BAZ2B: variants seen among roughly 807,000 people sequenced by gnomAD.
BAZ2B encodes the protein bromodomain adjacent to zinc finger domain 2B.
Under a neutral mutation model 246.0 loss-of-function variants are expected in BAZ2B, and 91 were observed. That is an observed-to-expected ratio of 0.37 (90% CI 0.31 to 0.44). The LOEUF (loss-of-function observed/expected upper bound fraction) is 0.44, where lower values mean the gene tolerates loss of function less well. Ranked by LOEUF, BAZ2B falls within the 20% of genes least tolerant of loss-of-function variation. BAZ2B has a pLI of 1.00. For missense variants in BAZ2B, 2,332 were observed against 2,533.7 expected (o/e 0.92, Z 1.71); for synonymous variants, 855 against 860.0 (o/e 0.99, Z 0.10).
intron 2 of BAZ2B, among the ~76,000 whole-genome samples, chr2:159,492,948 G>A (rs547145520): frequency 1.3e-5 from 2 of 151,994 alleles, no homozygotes; most frequent in African/African-American, 4.8e-5. Flanking sequence ...TGACACTTTC[G>A]GCACCAACAC....
chr2:159,483,535 G>T (rs2079479047), intron 2 of BAZ2B, among the ~76,000 whole-genome samples: 1 of 152,130 alleles, frequency 6.6e-6, no homozygotes, highest in Admixed American at 6.6e-5. Flanking sequence ...CCAGAGCTTT[G>T]GGAGGCCGAG....
intron 2 of BAZ2B, among the ~76,000 whole-genome samples, chr2:159,519,474 C>G (rs911771784): frequency 2.7e-5 from 4 of 149,970 alleles, no homozygotes; most frequent in Admixed American, 2.0e-4. Context: ...TCATGATCCA[C>G]CCGCCTCGGC....
intron 1 of BAZ2B, among the ~76,000 whole-genome samples, chr2:159,583,101 T>G (rs1416789222): frequency 1.6e-5 from 2 of 127,388 alleles, no homozygotes; most frequent in Non-Finnish European, 3.5e-5. Flanking sequence ...AAATATATTC[T>G]TTTTTCTTTT....
At chr2:159,366,723 G>C (rs1050524208) in intron 27 of BAZ2B, among the ~76,000 whole-genome samples, 4 of 152,304 alleles carry the variant, frequency 2.6e-5, no homozygotes, top group African/African-American at 9.6e-5. Context: ...TGGACTTTTT[G>C]TTGGATATGC....
chr2:159,624,146 TTTCTC>T, the BAZ2B span, among the ~76,000 whole-genome samples: 2 of 152,176 alleles, frequency 1.3e-5, no homozygotes, highest in Non-Finnish European at 2.9e-5. Flanking sequence ...CCTCTCTAGA[TTTCTC>T]TTCTCTGGGC....
At chr2:159,579,382 T>C (rs987341543) in intron 1 of BAZ2B, among the ~76,000 whole-genome samples, 3 of 152,238 alleles carry the variant, frequency 2.0e-5, no homozygotes, top group Admixed American at 6.5e-5. Flanking sequence ...CAGGAAGAAG[T>C]TGAATCCCTG....
intron 3 of BAZ2B, chr2:159,462,807 C>G: frequency 6.8e-7 from 1 of 1,460,604 alleles, no homozygotes; most frequent in Non-Finnish European, 9.6e-7. Flanking sequence ...GTCTGTTGCC[C>G]ATCGATAGTT....
chr2:159,679,319 T>C, the BAZ2B span, among the ~76,000 whole-genome samples: 40 of 151,964 alleles, frequency 2.6e-4, no homozygotes, highest in African/African-American at 9.4e-4. Flanking sequence ...GTTCATTCCT[T>C]TTTTATTTCT....
At chr2:159,689,704 G>C in the BAZ2B span, 9 of 393,502 alleles carry the variant, frequency 2.3e-5, no homozygotes, top group Admixed American at 3.0e-4. Context: ...AGAAATCATG[G>C]AGACGATAAA....
At chr2:159,402,231 T>C (rs2065194287) in intron 16 of BAZ2B, among the ~76,000 whole-genome samples, 1 of 152,030 alleles carries the variant, frequency 6.6e-6, no homozygotes, top group Middle Eastern at 3.2e-3. Context: ...GCAGATCACC[T>C]GAGGTCAGGA....
the BAZ2B span, among the ~76,000 whole-genome samples, chr2:159,643,876 CAAAAAAAA>C: frequency 1.5e-5 from 1 of 65,892 alleles, no homozygotes; most frequent in Admixed American, 1.7e-4. Flanking sequence ...AACTCCATCA[CAAAAAAAA>C]AAAAAAAAAA....
chr2:159,354,754 G>A (rs892254517), intron 27 of BAZ2B, among the ~76,000 whole-genome samples: 2 of 151,984 alleles, frequency 1.3e-5, no homozygotes, highest in African/African-American at 4.8e-5. Context: ...ATAATCCTCT[G>A]GTCTTTCTAG....
At chr2:159,599,935 CA>C (rs11303439) in intron 1 of BAZ2B, among the ~76,000 whole-genome samples, 53,468 of 100,642 alleles carry the variant, frequency 0.53, 10,883 homozygotes, top group South Asian at 0.71. Flanking sequence ...GACTCCTTCT[CA>C]AAAAAAAAAA....
At chr2:159,644,652 T>C in the BAZ2B span, among the ~76,000 whole-genome samples, 1 of 152,216 alleles carries the variant, frequency 6.6e-6, no homozygotes, top group African/African-American at 2.4e-5. Context: ...AAGCCTTCCT[T>C]CATTCTGTCT....
chr2:159,412,516 C>A lies in BAZ2B; in HGVS notation c.2496G>T (p.Glu832Asp). Residue 832 changes from glutamate to aspartate, a missense_variant, in exon 14 of 37, where the codon GAG (glutamate) becomes GAT (aspartate). Glu to Asp is a conservative substitution (Grantham distance 45, BLOSUM62 2). This residue lies in a region of BAZ2B where 651 missense variants were observed against 650.9 expected (regional missense o/e 1.00). Coordinates refer to ENST00000392783, the MANE Select transcript of BAZ2B (RefSeq NM_013450.4). ...QGMQWCLLKE[E>D]DVIPRIRAME... is the part of the protein sequence containing the mutation. ...TTGCCCTGATACGAGGAATGACATC[C>A]TCTTCTTTCAAAAGACACCACTGCA... is the stretch of plus-strand genomic sequence containing the variant. 1 of 1,613,962 alleles carries A rather than the reference C, an allele frequency of 6.2e-7. No homozygotes were observed. Among genetic ancestry groups the A allele is most frequent in the Non-Finnish European group, 8.5e-7 (1 of 1,179,928 alleles).
intron 2 of BAZ2B, among the ~76,000 whole-genome samples, chr2:159,492,952 C>G (rs2080664284): frequency 6.6e-6 from 1 of 152,118 alleles, no homozygotes; most frequent in Non-Finnish European, 1.5e-5. Flanking sequence ...ACTTTCGGCA[C>G]CAACACTAAC....
At chr2:159,533,037 A>G (rs78532754) in intron 2 of BAZ2B, among the ~76,000 whole-genome samples, 4 of 152,224 alleles carry the variant, frequency 2.6e-5, no homozygotes, top group Non-Finnish European at 5.9e-5. Flanking sequence ...TACTGGAGAC[A>G]GAGAAACTAG....
chr2:159,623,446 T>C, the BAZ2B span, among the ~76,000 whole-genome samples: 70 of 152,136 alleles, frequency 4.6e-4, no homozygotes, highest in East Asian at 0.012. Flanking sequence ...GAAATGCCCC[T>C]TAAATAAAAA....
chr2:159,406,944 C>T (rs1278040301), intron 14 of BAZ2B, among the ~76,000 whole-genome samples: 2 of 151,742 alleles, frequency 1.3e-5, no homozygotes, highest in African/African-American at 4.8e-5. Flanking sequence ...TTAGTAGAGA[C>T]GGGGTTTCAC....
Sources: allele counts gnomAD v4.1 joint callset (sites outside exome capture counted in the v4.1 genomes callset), GRCh38; gene constraint gnomAD v4.1.1; regional missense constraint gnomAD v4.1.1; transcripts MANE v1.5; gene names NCBI Gene and HGNC (gene_info 2026-07-23, HGNC 2026-07-21).